COL10A1: variants seen among roughly 807,000 people sequenced by gnomAD.
COL10A1 encodes the protein collagen type X alpha 1 chain.
In COL10A1, 10 loss-of-function variants were observed where a neutral mutation model predicts 18.2. The ratio of observed to expected loss-of-function variants is 0.55; its 90% confidence interval spans 0.34 to 0.93. The LOEUF is 0.93. COL10A1 is among the 40% of genes least tolerant of loss of function. COL10A1 has a pLI of 0.02. For synonymous variants in COL10A1, 330 were observed against 316.6 expected, an observed-to-expected ratio of 1.04 and a Z score of -0.45; for missense variants, 897 against 853.5, an observed-to-expected ratio of 1.05 and a Z score of -0.64.
chr6:116,125,613 C>A (rs570719299), intron 1 of COL10A1, 106 bp from the exon 2 acceptor site: 7 of 968,546 alleles, frequency 7.2e-6, no homozygotes, highest in Admixed American at 2.2e-5. Flanking sequence ...CTTTTTTAAC[C>A]TATCCTATAT....
At chr6:116,159,942 A>AT (rs1251086659), upstream of COL10A1, among the ~76,000 whole-genome samples, 1 of 152,118 alleles carries the variant, frequency 6.6e-6, no homozygotes, top group African/African-American at 2.4e-5. Flanking sequence ...AAAGGACACA[A>AT]TTTCATTACT....
intron 1 of COL10A1, among the ~76,000 whole-genome samples, chr6:116,157,011 C>T (rs1780211337): frequency 6.6e-6 from 1 of 152,082 alleles, no homozygotes; most frequent in Admixed American, 6.6e-5. Flanking sequence ...ATTTTTTTCT[C>T]TTTGCCTAAG....
the COL10A1 span, among the ~76,000 whole-genome samples, chr6:116,166,682 A>G: frequency 6.6e-6 from 1 of 152,216 alleles, no homozygotes; most frequent in Admixed American, 6.5e-5. Flanking sequence ...AGTGTATTTC[A>G]AAAGTTAATT....
At chr6:116,208,544 T>C in the COL10A1 span, among the ~76,000 whole-genome samples, 1 of 152,190 alleles carries the variant, frequency 6.6e-6, no homozygotes, top group South Asian at 2.1e-4. Context: ...ACTTAGGCAA[T>C]AGTGCCTTTA....
At chr6:116,173,855 A>G in the COL10A1 span, among the ~76,000 whole-genome samples, 1 of 152,170 alleles carries the variant, frequency 6.6e-6, no homozygotes, top group Non-Finnish European at 1.5e-5. Context: ...TTAACTAACC[A>G]CAAGACTTCA....
upstream of COL10A1, among the ~76,000 whole-genome samples, chr6:116,127,495 A>ATTCT (rs530089148): frequency 2.6e-3 from 397 of 152,252 alleles, 9 homozygotes; most frequent in South Asian, 0.043. Flanking sequence ...AAAGTTTATA[A>ATTCT]TTCATCATTT....
chr6:116,196,742 C>T, the COL10A1 span, among the ~76,000 whole-genome samples: 3 of 151,822 alleles, frequency 2.0e-5, no homozygotes, highest in Non-Finnish European at 2.9e-5. Context: ...CTTAACTCTG[C>T]GGTGTTGGGA....
the COL10A1 span, among the ~76,000 whole-genome samples, chr6:116,190,408 G>T: frequency 6.6e-6 from 1 of 151,962 alleles, no homozygotes; most frequent in African/African-American, 2.4e-5. Context: ...CTTAGAAACA[G>T]AGGGGAAATG....
At chr6:116,167,082 A>G in the COL10A1 span, among the ~76,000 whole-genome samples, 2 of 152,154 alleles carry the variant, frequency 1.3e-5, no homozygotes, top group African/African-American at 2.4e-5. Flanking sequence ...TATTCAGAGC[A>G]TGTGATATCC....
chr6:116,142,489 T>C (rs1252794894), intron 1 of COL10A1, among the ~76,000 whole-genome samples: 3 of 152,174 alleles, frequency 2.0e-5, no homozygotes, highest in Non-Finnish European at 4.4e-5. Flanking sequence ...TTAAATGAAT[T>C]TATAAACTTA....
chr6:116,182,301 G>A, the COL10A1 span, among the ~76,000 whole-genome samples: 3 of 151,044 alleles, frequency 2.0e-5, no homozygotes, highest in Admixed American at 2.0e-4. Context: ...ATGAACATTT[G>A]GGCTGGTTCC....
chr6:116,135,835 A>ATATG (rs1491113306), intron 1 of COL10A1, among the ~76,000 whole-genome samples: 2 of 13,110 alleles, frequency 1.5e-4, no homozygotes, highest in East Asian at 0.017. Flanking sequence ...ATATTTTCAG[A>ATATG]TATATATATA....
At chr6:116,173,738 A>G in the COL10A1 span, among the ~76,000 whole-genome samples, 1 of 152,160 alleles carries the variant, frequency 6.6e-6, no homozygotes, top group Non-Finnish European at 1.5e-5. Flanking sequence ...GTATAGAAAA[A>G]TGATAAAGAC....
At chr6:116,163,052 G>A (rs527353623), upstream of COL10A1, among the ~76,000 whole-genome samples, 5 of 149,592 alleles carry the variant, frequency 3.3e-5, no homozygotes, top group African/African-American at 4.9e-5. Flanking sequence ...GCGTGAACCC[G>A]GGAGGTGGAG....
At chr6:116,142,060 G>A (rs911734786) in intron 1 of COL10A1, among the ~76,000 whole-genome samples, 35 of 151,858 alleles carry the variant, frequency 2.3e-4, no homozygotes, top group Non-Finnish European at 4.3e-4. Flanking sequence ...TAGCTGATTT[G>A]TACATGGTAA....
chr6:116,214,213 G>A, the COL10A1 span, among the ~76,000 whole-genome samples: 1 of 151,882 alleles, frequency 6.6e-6, no homozygotes, highest in Non-Finnish European at 1.5e-5. Context: ...TTGCTCTCAA[G>A]GCTCAGAAAT....
At chr6:116,177,883 A>G in the COL10A1 span, among the ~76,000 whole-genome samples, 2 of 152,158 alleles carry the variant, frequency 1.3e-5, no homozygotes, top group African/African-American at 2.4e-5. Flanking sequence ...GTTGGAAAGG[A>G]AATGGACTTT....
chr6:116,164,874 G>A, the COL10A1 span, among the ~76,000 whole-genome samples: 1 of 152,030 alleles, frequency 6.6e-6, no homozygotes, highest in Non-Finnish European at 1.5e-5. Context: ...ATAAGGTCAG[G>A]AGATCGAGAC....
the COL10A1 span, among the ~76,000 whole-genome samples, chr6:116,188,412 A>T: frequency 6.6e-6 from 1 of 152,060 alleles, no homozygotes; most frequent in Non-Finnish European, 1.5e-5. Context: ...ATATCCCTCA[A>T]TAGTGCAGTT....
Sources: allele counts gnomAD v4.1 joint callset (sites outside exome capture counted in the v4.1 genomes callset), GRCh38; gene constraint gnomAD v4.1.1; transcripts MANE v1.5; gene names NCBI Gene and HGNC (gene_info 2026-07-23, HGNC 2026-07-21).